The following TMEM150C variants were observed in gnomAD, a reference collection of about 807,000 sequenced individuals.
TMEM150C encodes tentonin 3.
A neutral mutation model predicts 29.9 loss-of-function variants in TMEM150C; 10 were observed. The observed-to-expected ratio is 0.33, with a 90% CI of 0.21 to 0.57. TMEM150C has a LOEUF of 0.57. TMEM150C is among the 20% of genes least tolerant of loss of function. The pLI, the probability that TMEM150C is intolerant of heterozygous loss-of-function variation, is 0.88. For synonymous variants in TMEM150C, 101 were observed against 112.5 expected (o/e 0.90, Z 0.64); for missense variants, 251 against 303.6 (o/e 0.83, Z 1.29).
chr4:82,561,794 C>G (rs1725943917), intron 1 of TMEM150C, 112 bp downstream of exon 1: 2 of 803,418 alleles, frequency 2.5e-6, no homozygotes, highest in South Asian at 5.6e-5. Flanking sequence ...GCCCCAGCCG[C>G]GCTGCAGCCC....
chr4:82,556,863 G>T (rs1363182663), intron 1 of TMEM150C, among the ~76,000 whole-genome samples: 2 of 152,104 alleles, frequency 1.3e-5, no homozygotes. Context: ...TGTTATCAGG[G>T]GGTGTTAATA....
In TMEM150C at chr4:82,551,686, T is replaced by C. The variant is rs374458036; in HGVS notation, c.-11+10220A>G. On this transcript the variant is annotated intron_variant, in intron 1 of 7. Coordinates refer to ENST00000449862, the MANE Select transcript of TMEM150C (RefSeq NM_001080506.3). ...ACCATCTCTGGAAAGCACCACCTGA[T>C]GTCTCTCCCCTTATCTATCCAGGGC... is the stretch of plus-strand genomic sequence containing the variant. 3.1e-3 allele frequency among the ~76,000 whole-genome samples: 475 copies of C among 152,310 alleles called. 3 individuals are homozygous for C. The highest frequency in any genetic ancestry group is 0.011 in the African/African-American group (457 of 41,558).
chr4:82,539,739 A>AC (rs1725138173), intron 1 of TMEM150C, among the ~76,000 whole-genome samples: 1 of 152,240 alleles, frequency 6.6e-6, no homozygotes, highest in Non-Finnish European at 1.5e-5. Flanking sequence ...GGCGTGAGCC[A>AC]CCGTGCCTGG....
chr4:82,512,283 AACAT>A (rs1724151382), intron 1 of TMEM150C, among the ~76,000 whole-genome samples: 1 of 152,236 alleles, frequency 6.6e-6, no homozygotes, highest in South Asian at 2.1e-4. Context: ...ACCCAAAGTC[AACAT>A]ACTGAGAATG....
rs75178812 is a variant in TMEM150C at position 82,486,403 on chromosome 4, G to A, written c.542-684C>T. ...AAATGACTATGAATTCATAGTTATC[G>A]TTATATCTGCAGAAATAATTTTGAA... On this transcript the variant is annotated intron_variant, in intron 7 of 7. Transcript: ENST00000449862. Among the ~76,000 whole-genome samples, 687 of 141,022 alleles carry A rather than the reference G, an allele frequency of 4.9e-3. 16 individuals carry two copies. In the East Asian group the frequency reaches 0.078, roughly 16 times the overall value. The allele number at this position is 141,022 out of a possible 152,430, so 92.5% of individuals were successfully genotyped here.
intron 1 of TMEM150C, among the ~76,000 whole-genome samples, chr4:82,506,488 A>C (rs1296404856): frequency 6.6e-6 from 1 of 152,256 alleles, no homozygotes; most frequent in Non-Finnish European, 1.5e-5. Flanking sequence ...ACTTTCAATA[A>C]TTTAATTTGC....
rs534355476 is a variant in TMEM150C at position 82,497,404 on chromosome 4, T to A, written c.236-1209A>T. ...TATTTGCTAAAGGTTTTACTTTGAT[T>A]ACAGGCCATTATTAGTAGACATTAA... On this transcript the variant is annotated intron_variant, in intron 5 of 7. Coordinates refer to ENST00000449862, the MANE Select transcript of TMEM150C (RefSeq NM_001080506.3). Among the ~76,000 whole-genome samples, 3 of 152,334 alleles carry A rather than the reference T, an allele frequency of 2.0e-5. No individual in the cohort carries two copies. The East Asian group carries it at 5.8e-4, about 29-fold the overall frequency.
At chr4:82,530,987 C>A (rs1578144600) in intron 1 of TMEM150C, among the ~76,000 whole-genome samples, 1 of 151,986 alleles carries the variant, frequency 6.6e-6, no homozygotes, top group African/African-American at 2.4e-5. Context: ...TTAGAAACAA[C>A]CCCCATCATC....
chr4:82,492,038 C>T (rs1444197051), intron 6 of TMEM150C, among the ~76,000 whole-genome samples: 3 of 147,038 alleles, frequency 2.0e-5, no homozygotes, highest in South Asian at 4.3e-4. Flanking sequence ...TGGGTTCAAG[C>T]GATTCTTCTG....
chr4:82,500,783 A>C (rs1203047725), intron 5 of TMEM150C, among the ~76,000 whole-genome samples: 2 of 152,276 alleles, frequency 1.3e-5, no homozygotes, highest in African/African-American at 4.8e-5. Flanking sequence ...ATTTGTCTTA[A>C]GCATACAAAG....
intron 1 of TMEM150C, among the ~76,000 whole-genome samples, chr4:82,561,215 T>A (rs943275301): frequency 2.0e-5 from 3 of 152,138 alleles, no homozygotes; most frequent in Non-Finnish European, 4.4e-5. Context: ...CCAAAGCTAA[T>A]CACTTTTTTA....
At chr4:82,539,653 C>T (rs1725135743) in intron 1 of TMEM150C, among the ~76,000 whole-genome samples, 1 of 152,088 alleles carries the variant, frequency 6.6e-6, no homozygotes, top group South Asian at 2.1e-4. Context: ...GGTGTTTCAC[C>T]GTGTTAGCCG....
intron 1 of TMEM150C, 106 bp from the exon 2 acceptor site, chr4:82,504,773 G>A: frequency 7.5e-6 from 6 of 795,382 alleles, no homozygotes; most frequent in Non-Finnish European, 1.2e-5. Flanking sequence ...GCTTACACCT[G>A]TAATCCCAGC....
intron 6 of TMEM150C, among the ~76,000 whole-genome samples, chr4:82,494,370 G>A (rs1422409994): frequency 6.6e-6 from 1 of 152,172 alleles, no homozygotes; most frequent in Non-Finnish European, 1.5e-5. Context: ...TTGGGCTTCT[G>A]AATTTCTAGG....
At chr4:82,552,554 G>C (rs1725613966) in intron 1 of TMEM150C, among the ~76,000 whole-genome samples, 1 of 152,126 alleles carries the variant, frequency 6.6e-6, no homozygotes, top group Non-Finnish European at 1.5e-5. Context: ...GTGATGACCT[G>C]GTGGAATTCT....
At chr4:82,507,543 G>T (rs1437551128) in intron 1 of TMEM150C, among the ~76,000 whole-genome samples, 1 of 152,090 alleles carries the variant, frequency 6.6e-6, no homozygotes, top group Non-Finnish European at 1.5e-5. Context: ...AAACGACTCT[G>T]ATGTGCTCGC....
In TMEM150C at chr4:82,484,692, G is replaced by A. The variant is rs995063783; in HGVS notation, c.*819C>T. 7 of 152,156 alleles carry A rather than the reference G, an allele frequency of 4.6e-5. No homozygotes were observed. The highest frequency in any genetic ancestry group is 1.7e-4 in the African/African-American group (7 of 41,436). The allele number at this position is 152,156 out of a possible 1,614,324, so 9.4% of individuals were successfully genotyped here. A position where few individuals can be genotyped will look rare whatever the true frequency, so the allele number is the denominator to read the frequency against. On this transcript the variant is annotated 3_prime_UTR_variant, in exon 8 of 8. Transcript: ENST00000449862. ...ATTTGGTCTACATCTTTGTCCATGA[G>A]GCTTAGAGAGACTCATGGTAGTTAC...
At chr4:82,534,532 T>G (rs1238667334) in intron 1 of TMEM150C, among the ~76,000 whole-genome samples, 4 of 152,158 alleles carry the variant, frequency 2.6e-5, no homozygotes, top group Admixed American at 2.0e-4. Context: ...CCCAAATAAA[T>G]GGAGAGACAG....
In TMEM150C at chr4:82,491,257, C is replaced by T. The variant is rs917296173; in HGVS notation, c.364-1019G>A. On this transcript the variant is annotated intron_variant, in intron 6 of 7. Coordinates refer to ENST00000449862, the MANE Select transcript of TMEM150C (RefSeq NM_001080506.3). ...TTAGTGGGGACGTCCTCTTTGCAGG[C>T]AGCTTTCTTCTCAGCCTGGGCCAAC... 15 of 679,484 alleles carry T rather than the reference C, an allele frequency of 2.2e-5. No homozygotes were observed. The African/African-American group carries it at 2.3e-4, about 10-fold the overall frequency. The allele number at this position is 679,484 out of a possible 1,614,324, so 42.1% of individuals were successfully genotyped here. A position where few individuals can be genotyped will look rare whatever the true frequency, so the allele number is the denominator to read the frequency against.
Sources: allele counts gnomAD v4.1 joint callset (sites outside exome capture counted in the v4.1 genomes callset), GRCh38; gene constraint gnomAD v4.1.1; transcripts MANE v1.5; gene names NCBI Gene and HGNC (gene_info 2026-07-23, HGNC 2026-07-21).